The following MYO16 variants were observed in gnomAD, a reference collection of about 807,000 sequenced individuals.
The protein encoded by MYO16 is myosin XVI.
A neutral mutation model predicts 205.3 loss-of-function variants in MYO16; 94 were observed. That is an observed-to-expected ratio of 0.46 (90% CI 0.39 to 0.54). The LOEUF (loss-of-function observed/expected upper bound fraction) is 0.54, where lower values mean the gene tolerates loss of function less well. Ranked by LOEUF, MYO16 falls within the 20% of genes least tolerant of loss-of-function variation. The probability of loss-of-function intolerance (pLI) is 0.00; values close to 1 mark genes in which losing one functional copy is unlikely to be tolerated. For synonymous variants in MYO16, 988 were observed against 954.0 expected (o/e 1.04, Z -0.66); for missense variants, 2,315 against 2,387.5 (o/e 0.97, Z 0.63).
intron 17 of MYO16, among the ~76,000 whole-genome samples, chr13:108,959,522 C>G (rs751011068): frequency 3.4e-4 from 52 of 152,176 alleles, no homozygotes; most frequent in Non-Finnish European, 1.2e-4. Flanking sequence ...AAGAAGTATG[C>G]ACACCCTAGC....
intron 23 of MYO16, among the ~76,000 whole-genome samples, chr13:109,023,670 A>AATATATGTATATATATATATATATGT (rs1886222649): frequency 1.5e-5 from 1 of 64,874 alleles, no homozygotes; most frequent in African/African-American, 4.9e-5. Context: ...TATATATGCA[A>AATATATGTATATATATATATATATGT]ATATATGTAT....
intron 20 of MYO16, among the ~76,000 whole-genome samples, chr13:108,981,886 C>T (rs1202853781): frequency 6.6e-6 from 1 of 152,180 alleles, no homozygotes; most frequent in Non-Finnish European, 1.5e-5. Context: ...AGACAGCTCT[C>T]CATTTTATGA....
chr13:108,593,109 G>A (rs1214389578), upstream of MYO16, among the ~76,000 whole-genome samples: 1 of 152,130 alleles, frequency 6.6e-6, no homozygotes, highest in African/African-American at 2.4e-5. Flanking sequence ...TCTGTGAGGG[G>A]CCTCTTTTCT....
intron 21 of MYO16, among the ~76,000 whole-genome samples, chr13:108,999,958 G>GT (rs1885158887): frequency 1.3e-5 from 2 of 152,000 alleles, no homozygotes; most frequent in South Asian, 4.2e-4. Context: ...ATGTGCCATT[G>GT]TTTTTTCCAT....
chr13:108,884,775 C>T lies in MYO16; in HGVS notation c.1553+1589C>T, dbSNP rs150977911. 7.5e-3 allele frequency among the ~76,000 whole-genome samples: 1,134 copies of T among 150,298 alleles called. 7 individuals carry two copies. The highest frequency in any genetic ancestry group is 0.022 in the South Asian group (105 of 4,706). Reference sequence around the variant, plus strand: ...CACAAGGATGAGAAAGGCACTGAGGCGGGGGCTCCAACCCATTCTAAACTC... The same window carrying T: ...CACAAGGATGAGAAAGGCACTGAGGTGGGGGCTCCAACCCATTCTAAACTC... On this transcript the variant is annotated intron_variant, in intron 13 of 34. Transcript: ENST00000457511.
chr13:109,014,399 T>A (rs6492159), intron 22 of MYO16, among the ~76,000 whole-genome samples: 58,929 of 152,056 alleles, frequency 0.39, 11,770 homozygotes, highest in East Asian at 0.66. Flanking sequence ...TCAGGTAGCA[T>A]GATGCCTCCA....
chr13:108,878,761 G>T lies in MYO16; in HGVS notation c.1426-4298G>T, dbSNP rs76657937. ...ATGGGGCCAAAGCCCAAAGGTGCTG[G>T]CCCAGGCTCCTGTACCTGCCCATCT... On this transcript the variant is annotated intron_variant, in intron 12 of 34. Coordinates refer to ENST00000457511, the MANE Select transcript of MYO16 (RefSeq NM_001198950.3). Among the ~76,000 whole-genome samples, 635 of 152,340 alleles carry T rather than the reference G, an allele frequency of 4.2e-3. 6 individuals carry two copies. The highest frequency in any genetic ancestry group is 0.014 in the African/African-American group (564 of 41,574).
the MYO16 span, among the ~76,000 whole-genome samples, chr13:108,559,866 T>C: frequency 7.2e-5 from 11 of 152,154 alleles, no homozygotes; most frequent in Admixed American, 2.0e-4. Flanking sequence ...GCAGGAACAC[T>C]AAATTTTCCA....
intron 2 of MYO16, among the ~76,000 whole-genome samples, chr13:108,698,617 C>T (rs944641943): frequency 2.0e-5 from 3 of 152,054 alleles, no homozygotes; most frequent in Non-Finnish European, 4.4e-5. Flanking sequence ...GACCTCAGTT[C>T]CATAATGACA....
chr13:109,130,762 T>C (rs1291580381), intron 31 of MYO16, among the ~76,000 whole-genome samples: 2 of 152,244 alleles, frequency 1.3e-5, no homozygotes, highest in Non-Finnish European at 2.9e-5. Flanking sequence ...GATCCTAGCA[T>C]GTTAGACATC....
intron 5 of MYO16, among the ~76,000 whole-genome samples, chr13:108,793,266 A>C (rs1457126313): frequency 6.6e-6 from 1 of 150,570 alleles, no homozygotes; most frequent in Non-Finnish European, 1.5e-5. Context: ...AGCCTGGGCA[A>C]CAGAGCAAGA....
chr13:108,629,663 C>T lies in MYO16; in HGVS notation c.-182C>T. 5.5e-6 allele frequency: 3 copies of T among 546,382 alleles called. No individual in the cohort carries two copies. Among genetic ancestry groups the T allele is most frequent in the Non-Finnish European group, 3.2e-6 (1 of 309,624 alleles). 33.8% of individuals were successfully genotyped at this position (546,382 alleles called of 1,614,324 possible). A position where few individuals can be genotyped will look rare whatever the true frequency, so the allele number is the denominator to read the frequency against. The stretch of plus-strand genomic sequence containing the variant: ...GAGAGGCTTATCTTAACTCCAGCTG[C>T]CGAATGAGAATGAGTTTGAAGCTTT... On this transcript the variant is annotated 5_prime_UTR_variant, in exon 1 of 35. Coordinates refer to ENST00000457511, the MANE Select transcript of MYO16 (RefSeq NM_001198950.3).
At chr13:108,921,629 G>A (rs911769952) in intron 16 of MYO16, among the ~76,000 whole-genome samples, 2 of 152,138 alleles carry the variant, frequency 1.3e-5, no homozygotes, top group Admixed American at 6.5e-5. Context: ...CTATAAAATC[G>A]AATCTTCCAT....
chr13:109,045,268 G>A (rs2139589120), intron 23 of MYO16, among the ~76,000 whole-genome samples: 1 of 152,254 alleles, frequency 6.6e-6, no homozygotes, highest in East Asian at 1.9e-4. Context: ...GCTTCTCTGT[G>A]CACACACGGA....
rs1875897083 is a variant in MYO16 at position 108,820,330 on chromosome 13, A to T, written c.868-7A>T. The T allele has an allele frequency of 6.3e-7, 1 of 1,585,766 alleles. No homozygotes were observed. Among genetic ancestry groups the T allele is most frequent in the East Asian group, 2.3e-5 (1 of 42,754 alleles). On this transcript the variant is annotated splice_polypyrimidine_tract_variant and splice_region_variant and intron_variant, in intron 7 of 34. Transcript: ENST00000457511. Reference sequence around the variant, plus strand: ...GGTTCCCATTTCAATTATCTTTAATATTTCAGACAAATCTGGTGAAACTTC... The same window carrying T: ...GGTTCCCATTTCAATTATCTTTAATTTTTCAGACAAATCTGGTGAAACTTC...
intron 2 of MYO16, among the ~76,000 whole-genome samples, chr13:108,693,785 T>C (rs1282309397): frequency 2.0e-5 from 3 of 152,204 alleles, no homozygotes; most frequent in Non-Finnish European, 2.9e-5. Flanking sequence ...TGGGAGTTTG[T>C]TATACAGATT....
rs750094588 is a variant in MYO16, at chr13:108,888,476, A to G, written c.1658A>G (p.His553Arg). The part of the protein sequence containing the change: ...SRATLDSRFK[H>R]VVCILEAFGH... ...GCCACACTGGATTCCAGATTCAAAC[A>G]TGTAAGTTTTTTGTTTGGGTTGGCA... Residue 553 changes from histidine (H) to arginine (R), a missense_variant and splice_region_variant, in exon 14 of 35, where the codon CAT (histidine) becomes CGT (arginine). Physicochemically the swap from His to Arg is conservative, Grantham distance 29. Around this residue, in one of 3 missense-constraint regions of MYO16, gnomAD observed 1,213 missense variants for 1,274.4 expected, o/e 0.95. Coordinates refer to ENST00000457511, the MANE Select transcript of MYO16 (RefSeq NM_001198950.3). 6.3e-7 allele frequency: 1 copy of G among 1,589,984 alleles called. No homozygotes were observed. The highest frequency in any genetic ancestry group is 8.5e-7 in the Non-Finnish European group (1 of 1,171,534).
chr13:109,112,301 G>C (rs1362217912), intron 28 of MYO16, among the ~76,000 whole-genome samples: 1 of 152,128 alleles, frequency 6.6e-6, no homozygotes, highest in African/African-American at 2.4e-5. Flanking sequence ...AGATAAAGGA[G>C]AGATGATGAG....
the MYO16 span, among the ~76,000 whole-genome samples, chr13:108,517,994 T>A: frequency 6.6e-6 from 1 of 152,032 alleles, no homozygotes; most frequent in Admixed American, 6.6e-5. Context: ...CTTAATCACT[T>A]CCCAAAGGCC....
Sources: gnomAD v4.1 joint callset for allele counts (sites outside exome capture counted in the v4.1 genomes callset) on GRCh38, gnomAD v4.1.1 for gene constraint, gnomAD v4.1.1 regional missense constraint, MANE v1.5 for transcripts, NCBI Gene and HGNC (gene_info 2026-07-23, HGNC 2026-07-21) for gene names.